Variants in ZNF226 observed in about 807,000 individuals in gnomAD.
ZNF226 encodes the protein Kruppel-associated box protein.
In ZNF226, 6 loss-of-function variants were observed where a neutral mutation model predicts 11.4. The observed-to-expected ratio is 0.53, with a 90% CI of 0.29 to 1.04. The LOEUF (loss-of-function observed/expected upper bound fraction) is 1.04. ZNF226 is among the 50% of genes least tolerant of loss of function. ZNF226 has a pLI of 0.08. For missense variants in ZNF226, 1,058 were observed against 956.5 expected, an observed-to-expected ratio of 1.11 and a Z score of -1.40; for synonymous variants, 350 against 322.8, an observed-to-expected ratio of 1.08 and a Z score of -0.90.
At chr19:44,170,508 G>A (rs901593199) in intron 3 of ZNF226, among the ~76,000 whole-genome samples, 3 of 151,974 alleles carry the variant, frequency 2.0e-5, no homozygotes, top group Non-Finnish European at 4.4e-5. Context: ...AGGCTGAGGC[G>A]GGTGGATCAC....
At chr19:44,195,013 A>G in the ZNF226 span, among the ~76,000 whole-genome samples, 1 of 152,238 alleles carries the variant, frequency 6.6e-6, no homozygotes, top group African/African-American at 2.4e-5. Context: ...TGCAGAGCAA[A>G]CAAAATATAA....
chr19:44,197,214 CAT>C, the ZNF226 span, among the ~76,000 whole-genome samples: 1 of 152,044 alleles, frequency 6.6e-6, no homozygotes, highest in Non-Finnish European at 1.5e-5. Flanking sequence ...TCGGGGTGCA[CAT>C]GTGTGTGTGT....
chr19:44,178,761 G>GT (rs201051917), downstream of ZNF226, among the ~76,000 whole-genome samples: 10 of 152,128 alleles, frequency 6.6e-5, no homozygotes, highest in East Asian at 1.5e-3. Context: ...AGTAGAAAAT[G>GT]TAAGTAGCAC....
At chr19:44,172,067 G>A in intron 3 of ZNF226, 21 bp from the exon 4 acceptor site, 2 of 1,606,448 alleles carry the variant, frequency 1.2e-6, no homozygotes, top group Middle Eastern at 3.3e-4. Context: ...GTAAGATTGA[G>A]GTCATTTGTT....
chr19:44,171,946 G>A lies in ZNF226; in HGVS notation c.16-142G>A, dbSNP rs1225159656. 5 of 1,086,452 alleles carry A rather than the reference G, an allele frequency of 4.6e-6. No homozygotes were observed. In the East Asian group the frequency reaches 1.4e-4, roughly 31 times the overall value. 67.3% of individuals were successfully genotyped at this position (1,086,452 alleles called of 1,614,324 possible). ...ACAGCAGCACTTTTGGTAAGTCAGT[G>A]TATGGCATTGGCAAGACAGGAGAAG... is the stretch of plus-strand genomic sequence containing the variant. On this transcript the variant is annotated intron_variant, in intron 3 of 5. Transcript: ENST00000337433.
intron 3 of ZNF226, among the ~76,000 whole-genome samples, chr19:44,171,378 C>T (rs1970071674): frequency 6.6e-6 from 1 of 152,090 alleles, no homozygotes; most frequent in African/African-American, 2.4e-5. Flanking sequence ...CTTCCCCATG[C>T]CTCAGTCATA....
chr19:44,172,761 C>T (rs1970251704), intron 4 of ZNF226, 99 bp from the exon 5 acceptor site: 1 of 921,858 alleles, frequency 1.1e-6, no homozygotes. Flanking sequence ...TTGAAAAACA[C>T]TGCTTTCAGT....
In ZNF226 at chr19:44,176,634, C is replaced by T. The variant is rs765600746; in HGVS notation, c.1372C>T (p.Arg458Trp). The change falls in exon 6 of 6, where the codon CGG (arginine) becomes TGG (tryptophan). Residue 458 changes from arginine (R) to tryptophan (W), a missense_variant. Physicochemically the swap from Arg to Trp is moderately radical, Grantham distance 101 (BLOSUM62 -3). Transcript: ENST00000337433. ...TGAGGAATGTGGTAAAGGCTTTAGT[C>T]GGCCTTCAAGTCTTCAGGCCCATCA... The part of the protein sequence containing the change: ...KCEECGKGFS[R>W]PSSLQAHQGV... 8.1e-6 allele frequency: 13 copies of T among 1,613,882 alleles called. No individual in the cohort carries two copies. The highest frequency in any genetic ancestry group is 1.1e-5 in the South Asian group (1 of 91,060).
the ZNF226 span, among the ~76,000 whole-genome samples, chr19:44,199,182 T>C: frequency 2.6e-5 from 4 of 152,058 alleles, no homozygotes; most frequent in South Asian, 6.2e-4. Context: ...GTTGTTGCTG[T>C]TGTTGTTGTT....
rs186093988 is a variant in ZNF226, at chr19:44,168,962, G to C, written c.-46-1073G>C. 3.7e-3 allele frequency among the ~76,000 whole-genome samples: 237 copies of C among 64,908 alleles called. 1 individual carries two copies. Among genetic ancestry groups the C allele is most frequent in the African/African-American group, 0.014 (225 of 16,426 alleles). The allele number at this position is 64,908 out of a possible 152,430, so 42.6% of individuals were successfully genotyped here. On this transcript the variant is annotated intron_variant, in intron 2 of 5. Transcript: ENST00000337433. Reference sequence around the variant, plus strand: ...CCATTTATTTATTACACATTCTTTTGTTTATAACAATATAGACTCAGGTTC... The same window carrying C: ...CCATTTATTTATTACACATTCTTTTCTTTATAACAATATAGACTCAGGTTC...
chr19:44,178,845 A>G (rs570614627), downstream of ZNF226, among the ~76,000 whole-genome samples: 1 of 152,148 alleles, frequency 6.6e-6, no homozygotes, highest in Non-Finnish European at 1.5e-5. Flanking sequence ...CTTGAAAATG[A>G]TGACCAAATT....
the ZNF226 span, among the ~76,000 whole-genome samples, chr19:44,194,071 A>G: frequency 6.6e-6 from 1 of 152,200 alleles, no homozygotes; most frequent in South Asian, 2.1e-4. Flanking sequence ...TACTTGGCAG[A>G]TGGCCTTTGT....
chr19:44,171,096 A>C, intron 3 of ZNF226, among the ~76,000 whole-genome samples: 1 of 152,282 alleles, frequency 6.6e-6, no homozygotes, highest in East Asian at 1.9e-4. Context: ...ACTATTCTCT[A>C]TATACAGTTA....
downstream of ZNF226, chr19:44,177,829 C>T: frequency 1.1e-6 from 1 of 870,020 alleles, no homozygotes; most frequent in Non-Finnish European, 1.7e-6. Flanking sequence ...GAACCTTGAC[C>T]TTTATAAAAT....
intron 2 of ZNF226, 95 bp from the exon 3 acceptor site, chr19:44,169,940 C>G (rs1175671744): frequency 6.9e-6 from 5 of 719,734 alleles, no homozygotes; most frequent in Non-Finnish European, 1.1e-5. Context: ...GCAGCCACCC[C>G]AAGAAGCACA....
the ZNF226 span, among the ~76,000 whole-genome samples, chr19:44,187,346 T>G: frequency 6.6e-6 from 1 of 152,008 alleles, no homozygotes; most frequent in Non-Finnish European, 1.5e-5. This position sits in a 1 kb window ranked among gnomAD's most constrained non-coding sequence, Gnocchi z 4.0. Context: ...TGATTAAGTC[T>G]TGATAGGTTG....
chr19:44,187,188 G>A, the ZNF226 span, among the ~76,000 whole-genome samples: 1 of 151,898 alleles, frequency 6.6e-6, no homozygotes. The surrounding 1 kb of genome is among the most constrained non-coding windows in gnomAD (Gnocchi z 4.0). Flanking sequence ...AGAAGAATTT[G>A]TATGTTAATT....
chr19:44,196,171 T>C, the ZNF226 span, among the ~76,000 whole-genome samples: 268 of 152,326 alleles, frequency 1.8e-3, no homozygotes, highest in African/African-American at 6.0e-3. Context: ...TGGACTACTT[T>C]TAATGAGCAG....
chr19:44,177,600 G>A lies in ZNF226; in HGVS notation c.2338G>A (p.Asp780Asn). 6.2e-7 allele frequency: 1 copy of A among 1,613,842 alleles called. No homozygotes were observed. ...LTVHHRIHVG[D>N]KSYKSNRGGK... ...AGTTCATCACAGAATCCATGTTGGT[G>A]ATAAATCCTATAAAAGTAATAGGGG... Residue 780 changes from aspartate (D) to asparagine (N), a missense_variant, in exon 6 of 6, where the codon GAT (aspartate) becomes AAT (asparagine). Transcript: ENST00000337433.
Sources: allele counts gnomAD v4.1 joint callset (sites outside exome capture counted in the v4.1 genomes callset), GRCh38; gene constraint gnomAD v4.1.1; non-coding constraint Gnocchi (gnomAD v3.1); transcripts MANE v1.5; gene names NCBI Gene and HGNC (gene_info 2026-07-23, HGNC 2026-07-21).